Variants in SGCG observed in about 807,000 individuals in gnomAD.
SGCG encodes gamma-sarcoglycan.
A neutral mutation model predicts 29.3 loss-of-function variants in SGCG; 26 were observed. The ratio of observed to expected loss-of-function variants is 0.89; its 90% CI spans 0.65 to 1.23. SGCG has a LOEUF of 1.23. SGCG is among the 50% of genes most tolerant of loss of function. The pLI, the probability that SGCG is intolerant of heterozygous loss-of-function variation, is 0.00. For missense variants in SGCG, 353 were observed against 356.0 expected (o/e 0.99, Z 0.07); for synonymous variants, 145 against 129.7 (o/e 1.12, Z -0.80).
In SGCG at chr13:23,324,630, A is replaced by G; in HGVS notation, c.*89A>G. 1 of 1,201,882 alleles carries G rather than the reference A, an allele frequency of 8.3e-7. No homozygotes were observed. The highest frequency in any genetic ancestry group is 1.2e-6 in the Non-Finnish European group (1 of 827,300). 74.5% of individuals were successfully genotyped at this position (1,201,882 alleles called of 1,614,324 possible). A position where few individuals can be genotyped will look rare whatever the true frequency, so the allele number is the denominator to read the frequency against. ...GCTGCACATCGTGAAAGACTGAGGC[A>G]GCGTGGATGGGAAGTAAACGCTTCC... is the stretch of plus-strand genomic sequence containing the variant. On this transcript the variant is annotated 3_prime_UTR_variant, in exon 8 of 8. Coordinates refer to ENST00000218867, the MANE Select transcript of SGCG (RefSeq NM_000231.3).
intron 1 of SGCG, among the ~76,000 whole-genome samples, chr13:23,186,241 C>T (rs551732689): frequency 1.3e-5 from 2 of 152,336 alleles, no homozygotes; most frequent in East Asian, 3.9e-4. Context: ...ACTTGTGGTT[C>T]ACACATGGCT....
intron 5 of SGCG, among the ~76,000 whole-genome samples, chr13:23,291,040 C>T (rs1170791062): frequency 6.6e-6 from 1 of 152,188 alleles, no homozygotes; most frequent in Non-Finnish European, 1.5e-5. Flanking sequence ...CATCATTCAT[C>T]ATATAATGCT....
chr13:23,225,341 T>C (rs1382310729), intron 2 of SGCG, among the ~76,000 whole-genome samples: 2 of 152,242 alleles, frequency 1.3e-5, no homozygotes, highest in Non-Finnish European at 1.5e-5. Context: ...GGCTTCACTG[T>C]AAAATTATGA....
intron 5 of SGCG, among the ~76,000 whole-genome samples, chr13:23,290,132 G>T (rs1385461822): frequency 6.6e-6 from 1 of 152,176 alleles, no homozygotes; most frequent in African/African-American, 2.4e-5. Flanking sequence ...TTACTCTCTG[G>T]GTAACGGAGA....
the SGCG span, among the ~76,000 whole-genome samples, chr13:23,169,446 C>T: frequency 7.9e-5 from 12 of 151,598 alleles, no homozygotes; most frequent in East Asian, 1.4e-3. Flanking sequence ...TTTGGGAGGC[C>T]GAGGCGGGTG....
At chr13:23,171,092 G>A in the SGCG span, among the ~76,000 whole-genome samples, 7 of 152,114 alleles carry the variant, frequency 4.6e-5, no homozygotes, top group Admixed American at 1.3e-4. Context: ...TGTCTTTATC[G>A]TATCAGGCAT....
intron 3 of SGCG, among the ~76,000 whole-genome samples, chr13:23,234,991 A>G (rs1879253859): frequency 6.6e-6 from 1 of 152,246 alleles, no homozygotes; most frequent in Non-Finnish European, 1.5e-5. Flanking sequence ...TTTACCAAGA[A>G]CAATTTAAAC....
At chr13:23,243,269 G>C (rs931554544) in intron 3 of SGCG, among the ~76,000 whole-genome samples, 3 of 152,146 alleles carry the variant, frequency 2.0e-5, no homozygotes, top group Non-Finnish European at 4.4e-5. Flanking sequence ...GTTAAGGCCA[G>C]AGTATCTACC....
chr13:23,185,810 A>G (rs902755567), intron 1 of SGCG, among the ~76,000 whole-genome samples: 2 of 152,232 alleles, frequency 1.3e-5, no homozygotes. Flanking sequence ...AGCTTAGTGC[A>G]TTCTGAAGTC....
At chr13:23,319,846 T>C (rs1465263360) in intron 6 of SGCG, among the ~76,000 whole-genome samples, 1 of 152,238 alleles carries the variant, frequency 6.6e-6, no homozygotes, top group African/African-American at 2.4e-5. Context: ...TACAGCCTTT[T>C]CCAGGCAGAG....
intron 4 of SGCG, 35 bp from the exon 5 acceptor site, chr13:23,279,324 T>G (rs758836059): frequency 1.5e-5 from 24 of 1,600,958 alleles, no homozygotes; most frequent in Non-Finnish European, 2.1e-5. Flanking sequence ...CTGCTTGTAG[T>G]GAACAGTTTA....
chr13:23,240,104 A>C (rs1230642811), intron 3 of SGCG, among the ~76,000 whole-genome samples: 1 of 152,194 alleles, frequency 6.6e-6, no homozygotes, highest in Non-Finnish European at 1.5e-5. Context: ...ATAGGTTGAA[A>C]GTAAAAGGTT....
At chr13:23,246,229 T>G (rs1217922056) in intron 3 of SGCG, 2 of 152,268 alleles carry the variant, frequency 1.3e-5, no homozygotes, top group Non-Finnish European at 2.9e-5. Context: ...ATCCAAGAAT[T>G]CCTCCTTATT....
intron 4 of SGCG, among the ~76,000 whole-genome samples, chr13:23,276,431 C>CTTTTTTTTTTTTTTTTTTTTTT (rs71100165): frequency 7.8e-5 from 8 of 102,382 alleles, no homozygotes; most frequent in African/African-American, 1.4e-4. Context: ...TTTTAGTTTT[C>CTTTTTTTTTTTTTTTTTTTTTT]TTTTTTTTTT....
chr13:23,163,239 A>G, the SGCG span, among the ~76,000 whole-genome samples: 1 of 152,226 alleles, frequency 6.6e-6, no homozygotes, highest in East Asian at 1.9e-4. Flanking sequence ...AAAATTAACT[A>G]CCTTAGCAAC....
At chr13:23,274,647 C>A (rs1881001915) in intron 4 of SGCG, among the ~76,000 whole-genome samples, 1 of 152,044 alleles carries the variant, frequency 6.6e-6, no homozygotes, top group Admixed American at 6.6e-5. Flanking sequence ...TGGTCTCGAT[C>A]TCCTGACCTC....
rs372231232 is a variant in SGCG at position 23,215,725 on chromosome 13, C to T, written c.195+11836C>T. 2.6e-4 allele frequency among the ~76,000 whole-genome samples: 40 copies of T among 152,018 alleles called. 1 individual carries two copies. The highest frequency in any genetic ancestry group is 8.9e-4 in the African/African-American group (37 of 41,494). On this transcript the variant is annotated intron_variant, in intron 2 of 7. Coordinates refer to ENST00000218867, the MANE Select transcript of SGCG (RefSeq NM_000231.3). ...AGTTACACTCAGACAAAAACCACCA[C>T]CCCATTGGTACAATATGGAAATAGG...
chr13:23,231,114 C>T (rs988666176), intron 2 of SGCG, among the ~76,000 whole-genome samples: 1 of 152,140 alleles, frequency 6.6e-6, no homozygotes, highest in South Asian at 2.1e-4. Context: ...GTTAAAGCAA[C>T]CTTGAATTGC....
intron 6 of SGCG, among the ~76,000 whole-genome samples, chr13:23,317,047 T>A (rs904662194): frequency 6.6e-6 from 1 of 152,076 alleles, no homozygotes; most frequent in African/African-American, 2.4e-5. Flanking sequence ...CTACCAAGAT[T>A]AGCCGGGCAT....
Sources: allele counts gnomAD v4.1 joint callset (sites outside exome capture counted in the v4.1 genomes callset), GRCh38; gene constraint gnomAD v4.1.1; transcripts MANE v1.5; gene names NCBI Gene and HGNC (gene_info 2026-07-23, HGNC 2026-07-21).